The following PABPC4L variants were observed in gnomAD, a reference collection of about 807,000 sequenced individuals.
PABPC4L encodes poly(A) binding protein cytoplasmic 4 like, also known as polyadenylate-binding protein 4-like.
For synonymous variants in PABPC4L, 169 were observed against 164.1 expected (o/e 1.03, Z -0.23); for missense variants, 452 against 451.4 (o/e 1.00, Z -0.01).
chr4:133,973,053 AAT>A, the PABPC4L span, among the ~76,000 whole-genome samples: 3 of 152,140 alleles, frequency 2.0e-5, no homozygotes, highest in Non-Finnish European at 4.4e-5. Flanking sequence ...TAATAGATAG[AAT>A]ATAATTTCCC....
chr4:134,148,302 G>T, the PABPC4L span, among the ~76,000 whole-genome samples: 30 of 151,976 alleles, frequency 2.0e-4, no homozygotes, highest in African/African-American at 6.5e-4. Context: ...GTTATTCATG[G>T]TATATCCCTT....
At chr4:134,194,397 T>C (rs901994958), downstream of PABPC4L, among the ~76,000 whole-genome samples, 1 of 151,794 alleles carries the variant, frequency 6.6e-6, no homozygotes, top group Non-Finnish European at 1.5e-5. Context: ...ACTTGTATCT[T>C]GATTTTTCCT....
the PABPC4L span, among the ~76,000 whole-genome samples, chr4:134,083,574 A>G: frequency 8.5e-5 from 13 of 152,308 alleles, no homozygotes; most frequent in East Asian, 2.3e-3. Context: ...CATACCTGAT[A>G]TGCAACAATC....
At chr4:134,068,217 G>C in the PABPC4L span, among the ~76,000 whole-genome samples, 1 of 152,258 alleles carries the variant, frequency 6.6e-6, no homozygotes, top group South Asian at 2.1e-4. Context: ...TATGCTGGGT[G>C]CATATATATT....
the PABPC4L span, among the ~76,000 whole-genome samples, chr4:134,109,138 G>A: frequency 6.6e-6 from 1 of 151,720 alleles, no homozygotes; most frequent in Admixed American, 6.6e-5. Context: ...GAAATATCAA[G>A]GTAGAAAAGC....
the PABPC4L span, among the ~76,000 whole-genome samples, chr4:134,177,919 A>T: frequency 6.6e-6 from 1 of 152,006 alleles, no homozygotes; most frequent in Non-Finnish European, 1.5e-5. Flanking sequence ...CACTTGCTAG[A>T]ATTTCCAGCC....
chr4:133,994,556 C>T, the PABPC4L span, among the ~76,000 whole-genome samples: 22 of 152,184 alleles, frequency 1.4e-4, 1 homozygote, highest in South Asian at 3.3e-3. Flanking sequence ...CTGAGTGACC[C>T]GAGGCCAAGT....
At chr4:134,115,478 T>C in the PABPC4L span, among the ~76,000 whole-genome samples, 1 of 151,776 alleles carries the variant, frequency 6.6e-6, no homozygotes, top group Non-Finnish European at 1.5e-5. Context: ...ATACAGCTAG[T>C]TGTGTCAACC....
chr4:133,976,300 G>A, the PABPC4L span, among the ~76,000 whole-genome samples: 1 of 152,084 alleles, frequency 6.6e-6, no homozygotes, highest in African/African-American at 2.4e-5. Context: ...TCTTTTTATG[G>A]CTGCATGGTA....
At chr4:134,184,245 A>G in the PABPC4L span, among the ~76,000 whole-genome samples, 1 of 152,048 alleles carries the variant, frequency 6.6e-6, no homozygotes, top group African/African-American at 2.4e-5. Flanking sequence ...AAAAGGCTAA[A>G]CTTTTCAATA....
At chr4:134,176,972 A>C in the PABPC4L span, among the ~76,000 whole-genome samples, 1 of 152,102 alleles carries the variant, frequency 6.6e-6, no homozygotes, top group Non-Finnish European at 1.5e-5. Flanking sequence ...ACTGGTGGCC[A>C]CAACCCCAAT....
chr4:134,118,375 T>C, the PABPC4L span, among the ~76,000 whole-genome samples: 13 of 151,856 alleles, frequency 8.6e-5, no homozygotes, highest in Admixed American at 6.6e-5. Context: ...CACTCCATTT[T>C]CATGGTTACA....
At chr4:134,062,204 T>C in the PABPC4L span, among the ~76,000 whole-genome samples, 3 of 151,982 alleles carry the variant, frequency 2.0e-5, no homozygotes, top group African/African-American at 7.2e-5. Context: ...CTAACTGTAT[T>C]GGAGCTGAGA....
chr4:134,020,277 T>G, the PABPC4L span, among the ~76,000 whole-genome samples: 1 of 152,194 alleles, frequency 6.6e-6, no homozygotes, highest in South Asian at 2.1e-4. Context: ...GCGTCCACCC[T>G]AGGTACAATG....
chr4:134,057,396 C>T, the PABPC4L span, among the ~76,000 whole-genome samples: 1 of 152,060 alleles, frequency 6.6e-6, no homozygotes, highest in African/African-American at 2.4e-5. Flanking sequence ...GTGATGGCCT[C>T]GTTACCATTT....
At chr4:133,953,676 T>G in the PABPC4L span, among the ~76,000 whole-genome samples, 4 of 152,236 alleles carry the variant, frequency 2.6e-5, no homozygotes, top group African/African-American at 9.6e-5. Context: ...AATCTTGCAT[T>G]TGGGCCCAAT....
chr4:133,988,661 G>C, the PABPC4L span, among the ~76,000 whole-genome samples: 3 of 152,118 alleles, frequency 2.0e-5, no homozygotes, highest in African/African-American at 7.2e-5. Flanking sequence ...GGCTTTTCCA[G>C]GAACACAGTG....
chr4:134,130,843 A>T, the PABPC4L span, among the ~76,000 whole-genome samples: 1 of 152,148 alleles, frequency 6.6e-6, no homozygotes, highest in South Asian at 2.1e-4. Flanking sequence ...ATAATCCACC[A>T]TGATCCAGTG....
chr4:134,090,284 T>C, the PABPC4L span, among the ~76,000 whole-genome samples: 2 of 152,276 alleles, frequency 1.3e-5, no homozygotes, highest in East Asian at 3.9e-4. Flanking sequence ...GTTTGGTGTC[T>C]TGTGATTTTA....
Sources: gnomAD v4.1 joint callset for allele counts (sites outside exome capture counted in the v4.1 genomes callset) on GRCh38, gnomAD v4.1.1 for gene constraint, MANE v1.5 for transcripts, NCBI Gene and HGNC (gene_info 2026-07-23, HGNC 2026-07-21) for gene names.